The following CAP2 variants were observed in gnomAD, a reference collection of about 807,000 sequenced individuals.
CAP2 encodes the protein adenylyl cyclase-associated protein 2.
In CAP2, 24 loss-of-function variants were observed where a neutral mutation model predicts 57.7. The ratio of observed to expected loss-of-function variants is 0.42; its 90% confidence interval spans 0.30 to 0.58. The LOEUF is 0.58. Ranked by LOEUF, CAP2 falls within the 20% of genes least tolerant of loss-of-function variation. The pLI is 0.22. For synonymous variants in CAP2, 194 were observed against 207.2 expected, an observed-to-expected ratio of 0.94 and a Z score of 0.55; for missense variants, 501 against 590.3, an observed-to-expected ratio of 0.85 and a Z score of 1.57.
intron 1 of CAP2, among the ~76,000 whole-genome samples, chr6:17,397,786 A>G (rs2113494724): frequency 6.6e-6 from 1 of 151,486 alleles, no homozygotes; most frequent in South Asian, 2.1e-4. Flanking sequence ...TTATTTCACC[A>G]TTCTTGTTGA....
chr6:17,465,032 T>A (rs1327234221), intron 4 of CAP2, among the ~76,000 whole-genome samples: 2 of 152,174 alleles, frequency 1.3e-5, no homozygotes, highest in Admixed American at 6.5e-5. Context: ...AAATATTGAA[T>A]GAAAATGTAA....
intron 1 of CAP2, among the ~76,000 whole-genome samples, chr6:17,416,408 T>C (rs1759276264): frequency 6.6e-6 from 1 of 152,174 alleles, no homozygotes; most frequent in African/African-American, 2.4e-5. Flanking sequence ...TTATACTTAA[T>C]GGCAACCCTG....
At chr6:17,545,228 C>T (rs972906751) in intron 11 of CAP2, among the ~76,000 whole-genome samples, 3 of 152,110 alleles carry the variant, frequency 2.0e-5, no homozygotes, top group African/African-American at 4.8e-5. Flanking sequence ...ACACACATAC[C>T]ACAAACACAC....
At chr6:17,470,460 G>A (rs1220573251) in intron 4 of CAP2, among the ~76,000 whole-genome samples, 2 of 152,196 alleles carry the variant, frequency 1.3e-5, no homozygotes, top group Non-Finnish European at 2.9e-5. Context: ...AGGCTTAACA[G>A]AAGAGATTTT....
chr6:17,474,519 C>A (rs1033247250), intron 4 of CAP2, among the ~76,000 whole-genome samples: 10 of 152,154 alleles, frequency 6.6e-5, no homozygotes, highest in Non-Finnish European at 1.0e-4. Context: ...GCTTTTCTTT[C>A]ACTAAGTATT....
At chr6:17,454,684 T>G (rs911764363) in intron 3 of CAP2, among the ~76,000 whole-genome samples, 1 of 152,260 alleles carries the variant, frequency 6.6e-6, no homozygotes, top group Non-Finnish European at 1.5e-5. Context: ...TAAGTGGTAG[T>G]AGCTCTGAAG....
At position 17,494,977 on chromosome 6, in the gene CAP2, C is replaced by T. The variant is rs558333572; in HGVS notation, c.301-12192C>T. On this transcript the variant is annotated intron_variant, in intron 4 of 12. Transcript: ENST00000229922. ...TGCCTTTGGACTCGAATTGAAAGAT[C>T]GTTGGCTCTTCCTGGATCTCCAGCC... Among the ~76,000 whole-genome samples the T allele has an allele frequency of 3.0e-4, 46 of 152,264 alleles. No homozygotes were observed. The South Asian group carries it at 6.8e-3, about 23-fold the overall frequency.
chr6:17,491,079 C>T (rs1287683865), intron 4 of CAP2, among the ~76,000 whole-genome samples: 2 of 152,162 alleles, frequency 1.3e-5, no homozygotes, highest in Non-Finnish European at 2.9e-5. Context: ...GTGTCATTAA[C>T]ATCATGTCCC....
At chr6:17,410,284 G>A (rs1410744523) in intron 1 of CAP2, among the ~76,000 whole-genome samples, 2 of 152,148 alleles carry the variant, frequency 1.3e-5, no homozygotes, top group African/African-American at 4.8e-5. Context: ...GTACTCTGAA[G>A]AGTGCTTCTT....
At chr6:17,541,312 G>A (rs1048923498) in intron 9 of CAP2, among the ~76,000 whole-genome samples, 164 bp downstream of exon 9, 6 of 152,040 alleles carry the variant, frequency 3.9e-5, no homozygotes, top group East Asian at 3.9e-4. Context: ...TGTTACATGC[G>A]TAGAATGTGT....
intron 1 of CAP2, among the ~76,000 whole-genome samples, chr6:17,401,761 C>A (rs1758822414): frequency 4.6e-5 from 7 of 152,070 alleles, no homozygotes; most frequent in Admixed American, 4.6e-4. Context: ...ATTTGAATTT[C>A]TTCTCTGTTT....
At chr6:17,554,946 G>A (rs962923341) in intron 12 of CAP2, among the ~76,000 whole-genome samples, 23 of 152,184 alleles carry the variant, frequency 1.5e-4, no homozygotes, top group East Asian at 3.9e-4. Context: ...GTGTGTGTAC[G>A]TGTATTTTCC....
intron 11 of CAP2, among the ~76,000 whole-genome samples, chr6:17,546,083 G>C (rs1360307161): frequency 1.3e-5 from 2 of 152,306 alleles, no homozygotes; most frequent in African/African-American, 4.8e-5. Flanking sequence ...GGGTCAAATG[G>C]TATTTCTAGT....
chr6:17,529,374 G>A (rs1762584190), intron 7 of CAP2, among the ~76,000 whole-genome samples: 1 of 152,090 alleles, frequency 6.6e-6, no homozygotes, highest in Non-Finnish European at 1.5e-5. Context: ...GGGCGTGGTG[G>A]CTCACGCCTG....
intron 1 of CAP2, among the ~76,000 whole-genome samples, chr6:17,415,407 C>CT (rs1759249293): frequency 6.6e-6 from 1 of 152,214 alleles, no homozygotes; most frequent in Non-Finnish European, 1.5e-5. Context: ...CAAGTGTGCT[C>CT]TTTCAAGTCA....
In CAP2 at chr6:17,422,124, A is replaced by G. The variant is rs867860186; in HGVS notation, c.121+448A>G. 3.9e-5 allele frequency among the ~76,000 whole-genome samples: 6 copies of G among 152,354 alleles called. No individual in the cohort carries two copies. The South Asian group carries it at 1.2e-3, about 32-fold the overall frequency. ...GCTGTCCCGCACTCAATGACTAAAT[A>G]TGTTATCTACATAATTATCAAAAAA... On this transcript the variant is annotated intron_variant, in intron 2 of 12. Coordinates refer to ENST00000229922, the MANE Select transcript of CAP2 (RefSeq NM_006366.3).
At position 17,421,542 on chromosome 6, in the gene CAP2, T is replaced by C. The variant is rs1309232655; in HGVS notation, c.-1-13T>C. ...TGCTCACGCAGCCTCCATTTGTGCC[T>C]GTGCTTTTCTAGAATGGCCAACATG... On this transcript the variant is annotated splice_polypyrimidine_tract_variant and intron_variant, in intron 1 of 12. Transcript: ENST00000229922. 1 of 1,614,172 alleles carries C rather than the reference T, an allele frequency of 6.2e-7. No individual in the cohort carries two copies. The highest frequency in any genetic ancestry group is 1.7e-5 in the Admixed American group (1 of 60,030).
chr6:17,490,839 C>T (rs1444810090), intron 4 of CAP2, among the ~76,000 whole-genome samples: 1 of 152,178 alleles, frequency 6.6e-6, no homozygotes, highest in Non-Finnish European at 1.5e-5. Context: ...GGCTGTTTGC[C>T]AACCACTATA....
chr6:17,456,867 G>A (rs555950615), intron 3 of CAP2, among the ~76,000 whole-genome samples: 4 of 152,260 alleles, frequency 2.6e-5, no homozygotes, highest in South Asian at 2.1e-4. Context: ...GGACTTTGCA[G>A]CCTGTAGTTC....
Sources: gnomAD v4.1 joint callset for allele counts (sites outside exome capture counted in the v4.1 genomes callset) on GRCh38, gnomAD v4.1.1 for gene constraint, MANE v1.5 for transcripts, NCBI Gene and HGNC (gene_info 2026-07-23, HGNC 2026-07-21) for gene names.